Variants in SLC12A5 observed in about 807,000 individuals in gnomAD.
SLC12A5 encodes K-Cl cotransporter 2.
Under a neutral mutation model 124.0 loss-of-function variants are expected in SLC12A5, and 18 were observed. That is an observed-to-expected ratio of 0.15 (90% CI 0.10 to 0.22). SLC12A5 has a LOEUF of 0.22. Among genes scored for constraint, SLC12A5 ranks in the 10% least tolerant of loss-of-function variants. SLC12A5 has a pLI of 1.00. For synonymous variants in SLC12A5, 589 were observed against 568.0 expected, an observed-to-expected ratio of 1.04 and a Z score of -0.53; for missense variants, 867 against 1,478.7, an observed-to-expected ratio of 0.59 and a Z score of 6.78.
intron 6 of SLC12A5, 73 bp from the exon 7 acceptor site, chr20:46,040,300 T>C: frequency 6.3e-7 from 1 of 1,581,096 alleles, no homozygotes; most frequent in Non-Finnish European, 8.6e-7. Flanking sequence ...GAGCATCTTT[T>C]TTCCTAAAGC....
chr20:46,032,177 G>A (rs2084458725), intron 1 of SLC12A5, among the ~76,000 whole-genome samples: 3 of 152,330 alleles, frequency 2.0e-5, no homozygotes, highest in Admixed American at 2.0e-4. Flanking sequence ...GGCCGGCTAG[G>A]CTCGGCGCTG....
In SLC12A5 at chr20:46,056,157, G is replaced by C; in HGVS notation, c.2795G>C (p.Ser932Thr). The C allele has an allele frequency of 6.2e-7, 1 of 1,614,150 alleles. No individual in the cohort carries two copies. The highest frequency in any genetic ancestry group is 2.2e-5 in the East Asian group (1 of 44,884). Reference sequence around the variant, plus strand: ...ACCTATGTCACTCCCTAGATCCAGAGTATCACAGATGAGTCACGAGGCTCA... The same window carrying C: ...ACCTATGTCACTCCCTAGATCCAGACTATCACAGATGAGTCACGAGGCTCA... ...TKNEREREIQ[S>T]ITDESRGSIR... is the part of the protein sequence containing the mutation. The change falls in exon 22 of 26, where the codon AGT becomes ACT. Residue 932 changes from serine to threonine, a missense_variant. By Grantham distance (58) the Ser-to-Thr change is moderately conservative (BLOSUM62 1). Around this residue, in one of 9 missense-constraint regions of SLC12A5, gnomAD observed 70 missense variants for 157.2 expected, o/e 0.45. Coordinates refer to ENST00000243964, the MANE Select transcript of SLC12A5 (RefSeq NM_020708.5). This position sits in a 1 kb window ranked among gnomAD's most constrained non-coding sequence, Gnocchi z 4.3.
chr20:46,029,277 C>T lies in SLC12A5; in HGVS notation c.-68C>T. The T allele has an allele frequency of 4.0e-6, 6 of 1,506,856 alleles. No homozygotes were observed. The highest frequency in any genetic ancestry group is 2.4e-5 in the Admixed American group (1 of 42,286). The allele number at this position is 1,506,856 out of a possible 1,614,324, so 93.3% of individuals were successfully genotyped here. On this transcript the variant is annotated 5_prime_UTR_variant, in exon 1 of 26. Transcript: ENST00000243964. Reference sequence around the variant, plus strand: ...AGAGCTACAGCGAACGAGAGAGCGGCGAAGGCGGGTAGAGGGGCGCGGGCG... The same window carrying T: ...AGAGCTACAGCGAACGAGAGAGCGGTGAAGGCGGGTAGAGGGGCGCGGGCG...
rs969437883 is a variant in SLC12A5 at position 46,045,524 on chromosome 20, A to G, written c.1570-354A>G. On this transcript the variant is annotated intron_variant, in intron 12 of 25. Coordinates refer to ENST00000243964, the MANE Select transcript of SLC12A5 (RefSeq NM_020708.5). The surrounding 1 kb of genome is among the most constrained non-coding windows in gnomAD (Gnocchi z 4.9). Reference sequence around the variant, plus strand: ...AGACCTGGGGAGGCAGTCAAAGGGCAAGAAAAGGGTAGCTTTTACCATGGT... The same window carrying G: ...AGACCTGGGGAGGCAGTCAAAGGGCGAGAAAAGGGTAGCTTTTACCATGGT... 2.0e-5 allele frequency among the ~76,000 whole-genome samples: 3 copies of G among 151,784 alleles called. No individual in the cohort carries two copies. Among genetic ancestry groups the G allele is most frequent in the Admixed American group, 1.3e-4 (2 of 15,244 alleles).
rs143537762 is a variant in SLC12A5, at chr20:46,046,485, C to T, written c.1787+49C>T. On this transcript the variant is annotated intron_variant, in intron 14 of 25. Coordinates refer to ENST00000243964, the MANE Select transcript of SLC12A5 (RefSeq NM_020708.5). ...CCACTGAGCCACTTGCTCACCTCCA[C>T]GCCAATCCTCATCTTACTCCAGTCC... 198 of 1,506,564 alleles carry T rather than the reference C, an allele frequency of 1.3e-4. No homozygotes were observed. In the African/African-American group the frequency reaches 2.0e-3, roughly 15 times the overall value. The allele number at this position is 1,506,564 out of a possible 1,614,324, so 93.3% of individuals were successfully genotyped here.
rs886648278 is a variant in SLC12A5 at position 46,058,366 on chromosome 20, G to A, written c.*761G>A. 5.0e-6 allele frequency: 2 copies of A among 398,098 alleles called. No individual in the cohort carries two copies. Among genetic ancestry groups the A allele is most frequent in the Non-Finnish European group, 8.8e-6 (2 of 226,050 alleles). The allele number at this position is 398,098 out of a possible 1,614,324, so 24.7% of individuals were successfully genotyped here. The stretch of plus-strand genomic sequence containing the variant: ...GCTCTCGCCTCTTCGCCCTTTCCGC[G>A]CGCCCTTGGCTTCCCACCCTCCTCT... On this transcript the variant is annotated 3_prime_UTR_variant, in exon 26 of 26. Transcript: ENST00000243964. The surrounding 1 kb of genome is among the most constrained non-coding windows in gnomAD (Gnocchi z 5.8).
At position 46,056,446 on chromosome 20, in the gene SLC12A5, G is replaced by C. The variant is rs749370059; in HGVS notation, c.2992G>C (p.Glu998Gln). ...AGGGGAGGAGCCTGAGGGGGAAGGG[G>C]AGACAGATCCGGAGAAGGTGCATCT... is the stretch of plus-strand genomic sequence containing the variant. ...SPGEEPEGEG[E>Q]TDPEKVHLTW... is the part of the protein sequence containing the mutation. Residue 998 changes from glutamate (E) to glutamine (Q), a missense_variant, in exon 23 of 26, where the codon GAG becomes CAG. By Grantham distance (29) the Glu-to-Gln change is conservative. Coordinates refer to ENST00000243964, the MANE Select transcript of SLC12A5 (RefSeq NM_020708.5). The surrounding 1 kb of genome is among the most constrained non-coding windows in gnomAD (Gnocchi z 4.3). 3 of 1,614,024 alleles carry C rather than the reference G, an allele frequency of 1.9e-6. No homozygotes were observed. Among genetic ancestry groups the C allele is most frequent in the Non-Finnish European group, 2.5e-6 (3 of 1,180,000 alleles).
At chr20:46,036,453 A>C (rs1438349011) in intron 4 of SLC12A5, 2 of 352,840 alleles carry the variant, frequency 5.7e-6, no homozygotes, top group Non-Finnish European at 5.4e-6. Flanking sequence ...GGCTTGGAGA[A>C]GTGAAGTGAG....
rs2084705727 is a variant in SLC12A5, at chr20:46,057,347, A to G, written c.3259+44A>G. On this transcript the variant is annotated intron_variant, in intron 25 of 25. Coordinates refer to ENST00000243964, the MANE Select transcript of SLC12A5 (RefSeq NM_020708.5). This position sits in a 1 kb window ranked among gnomAD's most constrained non-coding sequence, Gnocchi z 7.1. Reference sequence around the variant, plus strand: ...TGGGGGAAAGAGGGAGGTGGACGTCAGGGAATCTGGGTCCTGTCCCTGGGA... The same window carrying G: ...TGGGGGAAAGAGGGAGGTGGACGTCGGGGAATCTGGGTCCTGTCCCTGGGA... 17 of 1,612,982 alleles carry G rather than the reference A, an allele frequency of 1.1e-5. No homozygotes were observed. In the South Asian group the frequency reaches 1.9e-4, roughly 18 times the overall value.
At chr20:46,044,230 A>G (rs1395239603) in intron 11 of SLC12A5, among the ~76,000 whole-genome samples, 4 of 152,194 alleles carry the variant, frequency 2.6e-5, no homozygotes, top group African/African-American at 9.7e-5. Context: ...TTGGTCACAC[A>G]GACAGGAGTG....
At chr20:46,022,052 G>C in intron 1 of SLC12A5, 1 of 889,686 alleles carries the variant, frequency 1.1e-6, no homozygotes, top group South Asian at 2.3e-5. Flanking sequence ...CCAAGGGGCC[G>C]GGGCCGCGGA....
In SLC12A5 at chr20:46,035,786, A is replaced by T; in HGVS notation, c.289A>T (p.Met97Leu). The part of the protein sequence containing the change: ...GKKKPVQAPR[M>L]GTFMGVYLPC... The stretch of plus-strand genomic sequence containing the variant: ...CTGGCCTCCCTGGCAGGCCCCACGC[A>T]TGGGCACCTTCATGGGCGTGTACCT... Residue 97 changes from methionine (M) to leucine (L), a missense_variant, in exon 4 of 26, where the codon ATG becomes TTG. By Grantham distance (15) the Met-to-Leu change is conservative. Transcript: ENST00000243964. 6.2e-7 allele frequency: 1 copy of T among 1,613,020 alleles called. No homozygotes were observed. Among genetic ancestry groups the T allele is most frequent in the Non-Finnish European group, 8.5e-7 (1 of 1,179,264 alleles).
At chr20:46,027,225 T>C (rs191502993), upstream of SLC12A5, among the ~76,000 whole-genome samples, 49 of 152,320 alleles carry the variant, frequency 3.2e-4, no homozygotes, top group African/African-American at 1.1e-3. Context: ...TTTTTTTCTC[T>C]GGGAGAGCCA....
chr20:46,042,631 C>T (rs2084557709), intron 8 of SLC12A5, among the ~76,000 whole-genome samples: 2 of 151,936 alleles, frequency 1.3e-5, no homozygotes, highest in Admixed American at 6.6e-5. Flanking sequence ...AATTATCTGG[C>T]CGGGAGTGTC....
At chr20:46,025,450 G>C (rs2084389112), upstream of SLC12A5, among the ~76,000 whole-genome samples, 1 of 152,138 alleles carries the variant, frequency 6.6e-6, no homozygotes, top group South Asian at 2.1e-4. Context: ...CATGGTGACA[G>C]GCTGCTCTCT....
Position 46,036,108 on chromosome 20 carries a change from T to G in SLC12A5, c.426+185T>G. Reference sequence around the variant, plus strand: ...ATCTCACAGGCTTGTCCTTGATGGCTGTTAACCAGGTTTCACCTGGATCTC... The same window carrying G: ...ATCTCACAGGCTTGTCCTTGATGGCGGTTAACCAGGTTTCACCTGGATCTC... On this transcript the variant is annotated intron_variant, in intron 4 of 25. Transcript: ENST00000243964. 3 of 652,044 alleles carry G rather than the reference T, an allele frequency of 4.6e-6. No homozygotes were observed. In the South Asian group the frequency reaches 8.7e-5, roughly 19 times the overall value. The allele number at this position is 652,044 out of a possible 1,614,324, so 40.4% of individuals were successfully genotyped here.
At chr20:46,032,308 C>A (rs1038634646) in intron 1 of SLC12A5, among the ~76,000 whole-genome samples, 4 of 152,210 alleles carry the variant, frequency 2.6e-5, no homozygotes, top group East Asian at 1.9e-4. Context: ...AAGGAGGAGG[C>A]GCTTGGGAGG....
In SLC12A5 at chr20:46,057,189, C is replaced by T. The variant is rs548424453; in HGVS notation, c.3145C>T (p.Arg1049Cys). The T allele has an allele frequency of 2.0e-5, 33 of 1,614,186 alleles. No homozygotes were observed. Among genetic ancestry groups the T allele is most frequent in the South Asian group, 1.5e-4 (14 of 91,088 alleles). ...CCGCAGGAACCAGTCCAACGTGCGG[C>T]GCATGCACACGGCCGTGCGGCTGAA... is the stretch of plus-strand genomic sequence containing the variant. The part of the protein sequence containing the change: ...WENLNQSNVR[R>C]MHTAVRLNEV... The change falls in exon 25 of 26, where the codon CGC becomes TGC. Residue 1049 changes from arginine to cysteine, a missense_variant. Arg to Cys is a radical substitution (Grantham distance 180). Around this residue, in one of 9 missense-constraint regions of SLC12A5, gnomAD observed 180 missense variants for 243.6 expected, o/e 0.74. Coordinates refer to ENST00000243964, the MANE Select transcript of SLC12A5 (RefSeq NM_020708.5). The surrounding 1 kb of genome is among the most constrained non-coding windows in gnomAD (Gnocchi z 7.1).
At chr20:46,021,867 C>G in exon 1 of SLC12A5, 1 of 1,529,878 alleles carries the variant, frequency 6.5e-7, no homozygotes, top group South Asian at 1.2e-5. Context: ...CCCGCCACCT[C>G]CCGGGGGAAG....
Sources: allele counts gnomAD v4.1 joint callset (sites outside exome capture counted in the v4.1 genomes callset), GRCh38; gene constraint gnomAD v4.1.1; regional missense constraint gnomAD v4.1.1; non-coding constraint Gnocchi (gnomAD v3.1); transcripts MANE v1.5; gene names NCBI Gene and HGNC (gene_info 2026-07-23, HGNC 2026-07-21).